Variants in FRK observed in about 807,000 individuals in gnomAD.
The protein encoded by FRK is tyrosine-protein kinase FRK.
In FRK, 51 loss-of-function variants were observed where a neutral mutation model predicts 56.4. That is an observed-to-expected ratio of 0.90 (90% CI 0.72 to 1.14). The LOEUF (loss-of-function observed/expected upper bound fraction) is 1.14, where lower values mean the gene tolerates loss of function less well. Among genes scored for constraint, FRK ranks in the 50% most tolerant of loss-of-function variants. FRK has a pLI of 0.00. For missense variants in FRK, 570 were observed against 601.4 expected, an observed-to-expected ratio of 0.95 and a Z score of 0.55; for synonymous variants, 245 against 217.9, an observed-to-expected ratio of 1.12 and a Z score of -1.10.
chr6:116,066,855 AG>A, the FRK span, among the ~76,000 whole-genome samples: 2 of 152,336 alleles, frequency 1.3e-5, no homozygotes, highest in Admixed American at 6.5e-5. Context: ...ATCATTAAAA[AG>A]GTTACCCCTA....
intron 1 of FRK, among the ~76,000 whole-genome samples, chr6:116,041,821 C>T (rs1474590484): frequency 6.6e-6 from 1 of 152,190 alleles, no homozygotes; most frequent in East Asian, 1.9e-4. Context: ...ACTGGGCAGC[C>T]GTTTGGGCAG....
intron 1 of FRK, among the ~76,000 whole-genome samples, chr6:116,057,120 A>T (rs1777429933): frequency 6.6e-6 from 1 of 152,232 alleles, no homozygotes. Context: ...AAATACTAAC[A>T]TACGTTGCAT....
intron 1 of FRK, among the ~76,000 whole-genome samples, chr6:116,035,240 G>T (rs190951826): frequency 3.3e-5 from 5 of 152,110 alleles, no homozygotes; most frequent in Admixed American, 2.6e-4. Context: ...GTTTGCTGCT[G>T]CTTGGCCTTC....
chr6:115,974,092 C>A (rs1350670046), intron 2 of FRK, among the ~76,000 whole-genome samples: 1 of 152,044 alleles, frequency 6.6e-6, no homozygotes, highest in African/African-American at 2.4e-5. Flanking sequence ...GTCTAGCAAG[C>A]CAATAGGTCT....
At chr6:116,035,309 T>C (rs1356131626) in intron 1 of FRK, among the ~76,000 whole-genome samples, 1 of 152,118 alleles carries the variant, frequency 6.6e-6, no homozygotes, top group Non-Finnish European at 1.5e-5. Context: ...ATTTAAGTTA[T>C]AGTGGTGACC....
At chr6:116,005,420 A>T (rs1775212578) in intron 1 of FRK, among the ~76,000 whole-genome samples, 1 of 152,210 alleles carries the variant, frequency 6.6e-6, no homozygotes, top group African/African-American at 2.4e-5. Context: ...AAATGTGGCG[A>T]ATCGCAGGCT....
chr6:116,078,320 G>C, the FRK span, among the ~76,000 whole-genome samples: 2 of 152,128 alleles, frequency 1.3e-5, no homozygotes, highest in African/African-American at 4.8e-5. Flanking sequence ...TAGGACTAAA[G>C]ACAATACAAT....
At chr6:115,986,381 G>A (rs1275461873) in intron 2 of FRK, among the ~76,000 whole-genome samples, 1 of 152,044 alleles carries the variant, frequency 6.6e-6, no homozygotes, top group Non-Finnish European at 1.5e-5. Flanking sequence ...GAGCCCAGTC[G>A]AGCCATGACC....
At chr6:115,989,419 A>G (rs1180689295) in intron 2 of FRK, among the ~76,000 whole-genome samples, 2 of 151,844 alleles carry the variant, frequency 1.3e-5, no homozygotes, top group Admixed American at 6.6e-5. Context: ...CTAAATAGAT[A>G]CATTTTTAAA....
chr6:115,975,033 A>G (rs979983212), intron 2 of FRK, among the ~76,000 whole-genome samples: 1 of 152,208 alleles, frequency 6.6e-6, no homozygotes, highest in Non-Finnish European at 1.5e-5. Context: ...TAACTCTTGT[A>G]TTTTAAGTGA....
chr6:116,100,426 A>C, the FRK span, among the ~76,000 whole-genome samples: 5 of 152,358 alleles, frequency 3.3e-5, no homozygotes, highest in Admixed American at 6.5e-5. Context: ...TCAGAGGGAT[A>C]TTAGCGGATG....
intron 1 of FRK, among the ~76,000 whole-genome samples, chr6:116,028,843 T>C (rs1776196468): frequency 6.6e-6 from 1 of 152,130 alleles, no homozygotes; most frequent in Non-Finnish European, 1.5e-5. Context: ...GGGACATACT[T>C]CAACTCATAT....
At chr6:116,069,248 C>T in the FRK span, among the ~76,000 whole-genome samples, 1 of 152,164 alleles carries the variant, frequency 6.6e-6, no homozygotes, top group East Asian at 1.9e-4. Context: ...TTCTCAAGAA[C>T]TTCTCTTTTG....
chr6:116,068,772 C>G, the FRK span, among the ~76,000 whole-genome samples: 1 of 152,002 alleles, frequency 6.6e-6, no homozygotes, highest in Admixed American at 6.6e-5. Context: ...TAAACTATAG[C>G]TACTCAGTGA....
chr6:115,989,486 A>G lies in FRK; in HGVS notation c.466+14391T>C, dbSNP rs924938598. Among the ~76,000 whole-genome samples the G allele has an allele frequency of 1.5e-4, 23 of 151,576 alleles. 1 individual carries two copies. The highest frequency in any genetic ancestry group is 5.3e-4 in the African/African-American group (22 of 41,290). The stretch of plus-strand genomic sequence containing the variant: ...TGAGTCCCCAGTGTCTATTATTTCC[A>G]TTTTTATGTTCATGTACCCATGGTT... On this transcript the variant is annotated intron_variant, in intron 2 of 7. Transcript: ENST00000606080.
At chr6:116,072,305 T>C in the FRK span, among the ~76,000 whole-genome samples, 2 of 152,144 alleles carry the variant, frequency 1.3e-5, no homozygotes, top group African/African-American at 4.8e-5. Context: ...GATTGAGTCC[T>C]GAATCTGAGG....
At chr6:115,975,740 A>G (rs1398493922) in intron 2 of FRK, among the ~76,000 whole-genome samples, 1 of 152,208 alleles carries the variant, frequency 6.6e-6, no homozygotes, top group East Asian at 1.9e-4. Flanking sequence ...TCATCCATCA[A>G]TAAAGTTGCT....
rs1038183164 is a variant in FRK at position 116,060,368 on chromosome 6, G to A, written c.-57C>T. The A allele has an allele frequency of 2.7e-5, 38 of 1,385,508 alleles. No individual in the cohort carries two copies. The highest frequency in any genetic ancestry group is 2.9e-5 in the Non-Finnish European group (29 of 999,606). 85.8% of individuals were successfully genotyped at this position (1,385,508 alleles called of 1,614,324 possible). On this transcript the variant is annotated 5_prime_UTR_variant, in exon 1 of 8. Transcript: ENST00000606080. Reference sequence around the variant, plus strand: ...TTCTCCCTCTCCCCTTAGTCTCTGCGATCCACCTTATCTTCCTTCACCAGG... The same window carrying A: ...TTCTCCCTCTCCCCTTAGTCTCTGCAATCCACCTTATCTTCCTTCACCAGG...
chr6:115,946,878 C>T (rs1318158001), intron 5 of FRK, among the ~76,000 whole-genome samples: 3 of 152,000 alleles, frequency 2.0e-5, no homozygotes, highest in African/African-American at 7.2e-5. Context: ...AGACATTTGT[C>T]GAATATAATA....
Sources: gnomAD v4.1 joint callset for allele counts (sites outside exome capture counted in the v4.1 genomes callset) on GRCh38, gnomAD v4.1.1 for gene constraint, MANE v1.5 for transcripts, NCBI Gene and HGNC (gene_info 2026-07-23, HGNC 2026-07-21) for gene names.